Variants in PTCH1 observed in about 807,000 individuals in gnomAD.
PTCH1 encodes protein patched homolog 1.
In PTCH1, 14 loss-of-function variants were observed where a neutral mutation model predicts 144.6. The observed-to-expected ratio is 0.10, with a 90% CI of 0.06 to 0.15. The LOEUF (loss-of-function observed/expected upper bound fraction) is 0.15, where lower values mean the gene tolerates loss of function less well. Among genes scored for constraint, PTCH1 ranks in the 10% least tolerant of loss-of-function variants. PTCH1 has a pLI of 1.00. For missense variants in PTCH1, 1,623 were observed against 1,948.3 expected (o/e 0.83, Z 3.14); for synonymous variants, 833 against 793.6 (o/e 1.05, Z -0.83).
chr9:95,453,377 G>T, intron 20 of PTCH1, 101 bp downstream of exon 20: 2 of 1,553,144 alleles, frequency 1.3e-6, no homozygotes, highest in Non-Finnish European at 1.8e-6. Context: ...TGATCCACCC[G>T]CCTCGGCCTC....
chr9:95,481,747 T>A, intron 5 of PTCH1: 2 of 608,510 alleles, frequency 3.3e-6, no homozygotes, highest in Non-Finnish European at 5.8e-6. Context: ...TAATGACGCC[T>A]ACAGAATTGT....
At chr9:95,511,752 A>C (rs141138533), upstream of PTCH1, among the ~76,000 whole-genome samples, 8 of 152,334 alleles carry the variant, frequency 5.3e-5, no homozygotes, top group East Asian at 1.5e-3. Context: ...GAGGTTTACT[A>C]TTCTAGCTTT....
At chr9:95,507,593 A>G (rs1421694013) in intron 1 of PTCH1, 5 of 375,758 alleles carry the variant, frequency 1.3e-5, no homozygotes, top group African/African-American at 2.2e-5. Flanking sequence ...TTCCGAGAAT[A>G]ATTTTTTAAG....
At chr9:95,501,398 A>C (rs987810492) in intron 2 of PTCH1, among the ~76,000 whole-genome samples, 1 of 152,184 alleles carries the variant, frequency 6.6e-6, no homozygotes, top group Non-Finnish European at 1.5e-5. Context: ...AAATTGAAGG[A>C]GTGGTGAAAC....
At position 95,476,669 on chromosome 9, in the gene PTCH1, G is replaced by A; in HGVS notation, c.1602+90C>T. The A allele has an allele frequency of 1.6e-6, 2 of 1,261,918 alleles. No individual in the cohort carries two copies. The highest frequency in any genetic ancestry group is 2.3e-6 in the Non-Finnish European group (2 of 882,036). 78.2% of individuals were successfully genotyped at this position (1,261,918 alleles called of 1,614,324 possible). On this transcript the variant is annotated intron_variant, in intron 11 of 23. Coordinates refer to ENST00000331920, the MANE Select transcript of PTCH1 (RefSeq NM_000264.5). This position sits in a 1 kb window ranked among gnomAD's most constrained non-coding sequence, Gnocchi z 4.6. Reference sequence around the variant, plus strand: ...TGACATGGGACTGAAATCTTTACTGGGTCAGACTGAGGAAAATTAAAGGAC... The same window carrying A: ...TGACATGGGACTGAAATCTTTACTGAGTCAGACTGAGGAAAATTAAAGGAC...
intron 1 of PTCH1, chr9:95,507,932 ACCT>A (rs1806707788): frequency 1.4e-6 from 2 of 1,432,560 alleles, no homozygotes; most frequent in African/African-American, 1.4e-5. Flanking sequence ...ACACACACAC[ACCT>A]CCACCCCCTG....
In PTCH1 at chr9:95,477,527, A is replaced by G; in HGVS notation, c.1503+20T>C. The G allele has an allele frequency of 6.2e-7, 1 of 1,614,140 alleles. No individual in the cohort carries two copies. The highest frequency in any genetic ancestry group is 8.5e-7 in the Non-Finnish European group (1 of 1,179,996). ...GGTGGCATTTGTCAACGGACAGCAG[A>G]TAAATGGCTCCTTTAGTACCTGAGT... On this transcript the variant is annotated intron_variant, in intron 10 of 23. Coordinates refer to ENST00000331920, the MANE Select transcript of PTCH1 (RefSeq NM_000264.5).
In PTCH1 at chr9:95,456,422, G is replaced by C. The variant is rs1302049731; in HGVS notation, c.3169-9C>G. On this transcript the variant is annotated splice_polypyrimidine_tract_variant and intron_variant, in intron 18 of 23. Transcript: ENST00000331920. ...AGCGCCAGGACCATCACCTGGAGCA[G>C]GGCACACAGTGGTCAGTGGGCGGGC... 1 of 1,613,600 alleles carries C rather than the reference G, an allele frequency of 6.2e-7. No homozygotes were observed. The highest frequency in any genetic ancestry group is 8.5e-7 in the Non-Finnish European group (1 of 1,179,914).
At chr9:95,475,069 C>T (rs747145146) in intron 12 of PTCH1, among the ~76,000 whole-genome samples, 20 of 152,192 alleles carry the variant, frequency 1.3e-4, no homozygotes, top group Non-Finnish European at 1.6e-4. Context: ...GGCCACTTTG[C>T]GCTCAGGAAG....
At chr9:95,464,696 A>C (rs561365666) in intron 15 of PTCH1, among the ~76,000 whole-genome samples, 38 of 152,284 alleles carry the variant, frequency 2.5e-4, no homozygotes, top group African/African-American at 8.9e-4. Context: ...TTAGGAGTAA[A>C]AAAAATCAAA....
chr9:95,508,119 G>C (rs1843878081), intron 1 of PTCH1, 42 bp downstream of exon 1: 1 of 1,609,022 alleles, frequency 6.2e-7, no homozygotes, highest in Middle Eastern at 1.7e-4. Flanking sequence ...CAAAGAGTTA[G>C]AGGAGGGAAG....
At chr9:95,466,315 G>A (rs1288100728) in intron 15 of PTCH1, among the ~76,000 whole-genome samples, 1 of 152,128 alleles carries the variant, frequency 6.6e-6, no homozygotes, top group Non-Finnish European at 1.5e-5. Context: ...CCAAAGTGCT[G>A]GGATTACAGG....
intron 5 of PTCH1, among the ~76,000 whole-genome samples, chr9:95,480,932 C>T (rs761092359): frequency 1.3e-4 from 20 of 151,230 alleles, no homozygotes; most frequent in South Asian, 2.1e-4. Context: ...AAAAAGAGGG[C>T]GTCACAATAT....
chr9:95,449,481 A>T lies in PTCH1; in HGVS notation c.3550-158T>A. On this transcript the variant is annotated intron_variant, in intron 21 of 23. Transcript: ENST00000331920. This position sits in a 1 kb window ranked among gnomAD's most constrained non-coding sequence, Gnocchi z 5.3. ...CCTCCCCTTCTCTACCACCTGGAGG[A>T]CCTTCAGGTCCCGCAGCTGGAGCAG... is the stretch of plus-strand genomic sequence containing the variant. The T allele has an allele frequency of 5.8e-6, 6 of 1,027,986 alleles. No homozygotes were observed. The highest frequency in any genetic ancestry group is 5.8e-5 in the South Asian group (4 of 69,062). 63.7% of individuals were successfully genotyped at this position (1,027,986 alleles called of 1,614,324 possible). A position where few individuals can be genotyped will look rare whatever the true frequency, so the allele number is the denominator to read the frequency against.
At chr9:95,469,735 A>G in intron 13 of PTCH1, 78 bp downstream of exon 13, 1 of 1,342,624 alleles carries the variant, frequency 7.4e-7, no homozygotes, top group Non-Finnish European at 1.1e-6. Flanking sequence ...ATTCCTTTAT[A>G]AGTCCACAGG....
chr9:95,499,419 T>A (rs1842996432), intron 2 of PTCH1, among the ~76,000 whole-genome samples: 1 of 146,624 alleles, frequency 6.8e-6, no homozygotes, highest in South Asian at 2.3e-4. Flanking sequence ...ATTTCAGAGT[T>A]CACACTAGTA....
At chr9:95,448,995 G>A in intron 22 of PTCH1, 74 bp downstream of exon 22, 3 of 1,597,696 alleles carry the variant, frequency 1.9e-6, no homozygotes, top group South Asian at 1.1e-5. Flanking sequence ...CAGCAGACAG[G>A]AGCCCCCGCT....
chr9:95,468,872 T>C lies in PTCH1; in HGVS notation c.2129A>G (p.Asp710Gly), dbSNP rs1402724349. ...QSPESTSSTRDLLSQFSDSSL... is the reference protein window; with the variant it reads ...QSPESTSSTRGLLSQFSDSSL... ...GGAGTCGGAGAACTGGGAGAGCAGG[T>C]CCCTTGTGGAGCTGGTGCTCTCTGG... The change falls in exon 14 of 24, where the codon GAC (aspartate) becomes GGC (glycine). Residue 710 changes from aspartate to glycine, a missense_variant. Asp to Gly is a moderately conservative substitution (Grantham distance 94). Coordinates refer to ENST00000331920, the MANE Select transcript of PTCH1 (RefSeq NM_000264.5). 2 of 1,613,974 alleles carry C rather than the reference T, an allele frequency of 1.2e-6. No individual in the cohort carries two copies. The highest frequency in any genetic ancestry group is 1.7e-6 in the Non-Finnish European group (2 of 1,180,022).
At chr9:95,490,759 C>G (rs79179726) in intron 2 of PTCH1, among the ~76,000 whole-genome samples, 3,852 of 152,066 alleles carry the variant, frequency 0.025, 166 homozygotes, top group African/African-American at 0.088. Context: ...TAATGAGTAC[C>G]AACATACAGT....
Sources: gnomAD v4.1 joint callset for allele counts (sites outside exome capture counted in the v4.1 genomes callset) on GRCh38, gnomAD v4.1.1 for gene constraint, Gnocchi (gnomAD v3.1) non-coding constraint, MANE v1.5 for transcripts, NCBI Gene and HGNC (gene_info 2026-07-23, HGNC 2026-07-21) for gene names.